TAFA1: variants seen among roughly 807,000 people sequenced by gnomAD.
The protein encoded by TAFA1 is chemokine-like protein TAFA-1.
In TAFA1, 4 loss-of-function variants were observed where a neutral mutation model predicts 18.5. That is an observed-to-expected ratio of 0.22 (90% CI 0.11 to 0.49). The LOEUF (loss-of-function observed/expected upper bound fraction) is 0.49. Ranked by LOEUF, TAFA1 falls within the 20% of genes least tolerant of loss-of-function variation. The pLI is 0.98. For missense variants in TAFA1, 147 were observed against 169.0 expected (o/e 0.87, Z 0.72); for synonymous variants, 56 against 55.2 (o/e 1.01, Z -0.06).
At chr3:68,411,810 C>T (rs2070724400) in intron 2 of TAFA1, among the ~76,000 whole-genome samples, 1 of 152,144 alleles carries the variant, frequency 6.6e-6, no homozygotes, top group South Asian at 2.1e-4. Context: ...TTTTTTAATA[C>T]AAGCCCAGGC....
chr3:68,218,338 G>A (rs896685394), intron 2 of TAFA1, among the ~76,000 whole-genome samples: 2 of 152,046 alleles, frequency 1.3e-5, no homozygotes, highest in Non-Finnish European at 2.9e-5. Flanking sequence ...TACTTAGAAG[G>A]ATCAAATGTA....
intron 2 of TAFA1, among the ~76,000 whole-genome samples, chr3:68,370,475 T>TAC: frequency 7.1e-5 from 1 of 14,138 alleles, no homozygotes; most frequent in African/African-American, 3.8e-4. Context: ...TGTGTGTGTA[T>TAC]ATATATATAT....
At chr3:68,457,126 C>A (rs905123337) in intron 3 of TAFA1, among the ~76,000 whole-genome samples, 11 of 152,182 alleles carry the variant, frequency 7.2e-5, no homozygotes, top group African/African-American at 2.7e-4. Flanking sequence ...AACACTTCAA[C>A]TCACTGCAAT....
rs564821363 is a variant in TAFA1, at chr3:68,315,088, A to T, written c.119-102192A>T. ...ATATTCTCCTGTGGAAATCATGAAG[A>T]AACAGAGGCCCCAACCATTTTTCTA... On this transcript the variant is annotated intron_variant, in intron 2 of 4. Transcript: ENST00000478136. Among the ~76,000 whole-genome samples, 324 of 152,244 alleles carry T rather than the reference A, an allele frequency of 2.1e-3. 1 individual carries two copies. The highest frequency in any genetic ancestry group is 7.6e-3 in the African/African-American group (316 of 41,570).
chr3:68,456,836 G>C (rs2071676130), intron 3 of TAFA1, among the ~76,000 whole-genome samples: 2 of 152,090 alleles, frequency 1.3e-5, no homozygotes, highest in South Asian at 4.1e-4. Flanking sequence ...ATCTTGAAAT[G>C]ATAGGCAACT....
At chr3:67,992,737 A>T in the TAFA1 span, among the ~76,000 whole-genome samples, 1 of 152,164 alleles carries the variant, frequency 6.6e-6, no homozygotes, top group Non-Finnish European at 1.5e-5. Flanking sequence ...CTCTATTCTT[A>T]TCCTTCTCCC....
intron 3 of TAFA1, among the ~76,000 whole-genome samples, chr3:68,488,738 C>A (rs1424484364): frequency 6.6e-6 from 1 of 152,116 alleles, no homozygotes; most frequent in Non-Finnish European, 1.5e-5. Context: ...ATGATGAGTG[C>A]TCAATATATG....
At chr3:68,032,082 G>A (rs1488209816) in intron 2 of TAFA1, among the ~76,000 whole-genome samples, 3 of 151,964 alleles carry the variant, frequency 2.0e-5, no homozygotes, top group East Asian at 1.9e-4. Flanking sequence ...TAAATATCAT[G>A]TAGGTACCTT....
chr3:68,205,890 C>T (rs914118863), intron 2 of TAFA1, among the ~76,000 whole-genome samples: 2 of 151,734 alleles, frequency 1.3e-5, no homozygotes, highest in Non-Finnish European at 2.9e-5. Context: ...GTTAACTGAG[C>T]TTTCAGGAGA....
intron 3 of TAFA1, among the ~76,000 whole-genome samples, chr3:68,425,435 G>A (rs956681710): frequency 1.3e-5 from 2 of 151,928 alleles, no homozygotes; most frequent in Non-Finnish European, 2.9e-5. Flanking sequence ...AGGGAAATTC[G>A]ATTGTTCTTA....
intron 2 of TAFA1, among the ~76,000 whole-genome samples, chr3:68,010,474 A>G (rs1437023067): frequency 6.6e-6 from 1 of 152,188 alleles, no homozygotes; most frequent in Non-Finnish European, 1.5e-5. Context: ...CATGAAATCG[A>G]GACCACGTTT....
chr3:68,517,299 T>A (rs1001870643), intron 3 of TAFA1, among the ~76,000 whole-genome samples: 7 of 152,218 alleles, frequency 4.6e-5, no homozygotes, highest in Non-Finnish European at 7.3e-5. Context: ...GTAATACCAG[T>A]TTTCCACTTA....
At chr3:68,433,859 A>G (rs1462245884) in intron 3 of TAFA1, among the ~76,000 whole-genome samples, 1 of 152,166 alleles carries the variant, frequency 6.6e-6, no homozygotes, top group Non-Finnish European at 1.5e-5. Context: ...GATGTGAGAT[A>G]CAGATTTGGT....
chr3:68,065,746 ATATAT>A (rs2064667862), intron 2 of TAFA1, among the ~76,000 whole-genome samples: 1 of 132,604 alleles, frequency 7.5e-6, no homozygotes, highest in South Asian at 2.2e-4. Flanking sequence ...GTGTGTATAT[ATATAT>A]ATATATATAT....
intron 2 of TAFA1, among the ~76,000 whole-genome samples, chr3:68,251,204 C>T (rs577188287): frequency 8.5e-5 from 13 of 152,158 alleles, no homozygotes; most frequent in Non-Finnish European, 1.9e-4. Flanking sequence ...TGAGTGGTGA[C>T]AATGGATACA....
intron 2 of TAFA1, among the ~76,000 whole-genome samples, chr3:68,300,940 C>G (rs1308058934): frequency 6.6e-6 from 1 of 152,052 alleles, no homozygotes; most frequent in Non-Finnish European, 1.5e-5. Context: ...AAACCTCTTT[C>G]CTTTATAAAT....
intron 2 of TAFA1, among the ~76,000 whole-genome samples, chr3:68,120,516 T>C (rs1294561193): frequency 6.6e-6 from 1 of 152,122 alleles, no homozygotes; most frequent in Non-Finnish European, 1.5e-5. Context: ...CCCAAATTGC[T>C]GGGATTTCAG....
At chr3:68,259,779 A>C (rs969505023) in intron 2 of TAFA1, among the ~76,000 whole-genome samples, 1 of 151,978 alleles carries the variant, frequency 6.6e-6, no homozygotes, top group Non-Finnish European at 1.5e-5. Flanking sequence ...ATTTTTGTAC[A>C]TTGATTTTGT....
At chr3:68,094,114 G>C (rs537142624) in intron 2 of TAFA1, among the ~76,000 whole-genome samples, 1 of 152,008 alleles carries the variant, frequency 6.6e-6, no homozygotes, top group Non-Finnish European at 1.5e-5. Context: ...CCATTAGAGT[G>C]GGGGGTGGAT....
Sources: allele counts gnomAD v4.1 joint callset (sites outside exome capture counted in the v4.1 genomes callset), GRCh38; gene constraint gnomAD v4.1.1; transcripts MANE v1.5; gene names NCBI Gene and HGNC (gene_info 2026-07-23, HGNC 2026-07-21).